The following CCDC141 variants were observed in gnomAD, a reference collection of about 807,000 sequenced individuals.
The protein encoded by CCDC141 is coiled-coil domain-containing protein 141.
CCDC141 carries 168 observed loss-of-function variants against 181.0 expected under a neutral mutation model. The ratio of observed to expected loss-of-function variants is 0.93; its 90% CI spans 0.82 to 1.05. The LOEUF (loss-of-function observed/expected upper bound fraction) is 1.05, where lower values mean the gene tolerates loss of function less well. Ranked by LOEUF, CCDC141 falls within the 50% of genes least tolerant of loss-of-function variation. The pLI is 0.00. For missense variants in CCDC141, 1,902 were observed against 1,788.5 expected (o/e 1.06, Z -1.14); for synonymous variants, 666 against 642.3 (o/e 1.04, Z -0.56).
intron 5 of CCDC141, among the ~76,000 whole-genome samples, chr2:178,947,699 G>C (rs1203381623): frequency 1.3e-5 from 2 of 152,138 alleles, no homozygotes. Context: ...AAACAATCAG[G>C]AATGTTCAAT....
intron 2 of CCDC141, among the ~76,000 whole-genome samples, chr2:179,015,075 TA>T (rs1484678753): frequency 6.6e-4 from 19 of 28,940 alleles, no homozygotes; most frequent in African/African-American, 2.2e-3. Context: ...GAGATATATA[TA>T]TATATATATA....
intron 2 of CCDC141, among the ~76,000 whole-genome samples, chr2:179,031,986 T>C (rs566444137): frequency 1.7e-4 from 26 of 152,210 alleles, no homozygotes; most frequent in African/African-American, 6.0e-4. Context: ...GTAGTTAAAC[T>C]TACTTTTAAA....
chr2:179,035,781 T>C (rs7598203), intron 2 of CCDC141, among the ~76,000 whole-genome samples: 127,694 of 152,144 alleles, frequency 0.84, 53,951 homozygotes, highest in East Asian at 0.94. Context: ...CTCTTGAGGC[T>C]GGGGCCCAGA....
chr2:178,865,506 G>A (rs1193609536), intron 17 of CCDC141, among the ~76,000 whole-genome samples: 2 of 152,188 alleles, frequency 1.3e-5, no homozygotes, highest in South Asian at 2.1e-4. Context: ...CAAAAAAACT[G>A]TACTACTGAA....
chr2:179,001,629 G>C (rs915786584), intron 2 of CCDC141: 1 of 152,224 alleles, frequency 6.6e-6, no homozygotes, highest in Non-Finnish European at 1.5e-5. Context: ...AGAGAACCTT[G>C]GGGGGCACAG....
intron 2 of CCDC141, among the ~76,000 whole-genome samples, chr2:179,028,197 A>T (rs1037521771): frequency 1.3e-5 from 2 of 152,154 alleles, no homozygotes; most frequent in Admixed American, 1.3e-4. Flanking sequence ...AGAACTGGTC[A>T]TCTGTCTGCT....
intron 12 of CCDC141, chr2:178,877,685 C>T: frequency 2.2e-6 from 1 of 454,576 alleles, no homozygotes; most frequent in South Asian, 3.7e-5. Flanking sequence ...TTTGGGTGGA[C>T]TTCTGAGGAC....
Position 178,853,630 on chromosome 2 carries a change from T to C in CCDC141, c.3061-6A>G, listed in dbSNP as rs1669065446. 2 of 1,610,384 alleles carry C rather than the reference T, an allele frequency of 1.2e-6. No homozygotes were observed. Among genetic ancestry groups the C allele is most frequent in the South Asian group, 1.1e-5 (1 of 90,834 alleles). On this transcript the variant is annotated splice_region_variant and splice_polypyrimidine_tract_variant and intron_variant, in intron 19 of 23. Coordinates refer to ENST00000443758, the MANE Select transcript of CCDC141 (RefSeq NM_173648.4). ...TCTTCGTACCAAAAATGACACTAAATTTAAATGGGATAAAGCACAGATGAA... is the reference window on the plus strand; with the variant it reads ...TCTTCGTACCAAAAATGACACTAAACTTAAATGGGATAAAGCACAGATGAA...
Position 178,886,804 on chromosome 2 carries a change from G to T in CCDC141, c.1475C>A (p.Ser492Tyr). The change falls in exon 10 of 24, where the codon TCT (serine) becomes TAT (tyrosine). Residue 492 changes from serine (S) to tyrosine (Y), a missense_variant. Coordinates refer to ENST00000443758, the MANE Select transcript of CCDC141 (RefSeq NM_173648.4). ...TTTATTCAAAATCTTCTCTGATTCAGAACGGGTAGAACCAACATCCATTGC... is the reference window on the plus strand; with the variant it reads ...TTTATTCAAAATCTTCTCTGATTCATAACGGGTAGAACCAACATCCATTGC... ...SNAMDVGSTR[S>Y]ESEKILNKYL... 6.8e-7 allele frequency: 1 copy of T among 1,474,528 alleles called. No homozygotes were observed. The highest frequency in any genetic ancestry group is 9.0e-7 in the Non-Finnish European group (1 of 1,110,840). 91.3% of individuals were successfully genotyped at this position (1,474,528 alleles called of 1,614,324 possible).
intron 17 of CCDC141, among the ~76,000 whole-genome samples, chr2:178,864,071 A>C (rs1468139755): frequency 6.6e-6 from 1 of 152,210 alleles, no homozygotes; most frequent in African/African-American, 2.4e-5. Flanking sequence ...ACAGGGAGCT[A>C]GAAACGGAGC....
intron 2 of CCDC141, among the ~76,000 whole-genome samples, chr2:178,984,976 T>C (rs952699781): frequency 6.0e-5 from 9 of 150,462 alleles, no homozygotes; most frequent in African/African-American, 2.2e-4. Flanking sequence ...CTAATAGACA[T>C]CTACAGAACT....
intron 2 of CCDC141, among the ~76,000 whole-genome samples, chr2:179,015,904 CATAT>C (rs922254308): frequency 7.8e-6 from 1 of 127,598 alleles, no homozygotes; most frequent in African/African-American, 2.9e-5. Flanking sequence ...ATATATGTAT[CATAT>C]ATATCTCATA....
chr2:178,834,107 G>A lies in CCDC141; in HGVS notation c.*66C>T. ...GGGAGATGCTTTGCAGGAGGTGCAG[G>A]AAGATAAACGGCGGCACTTTTCTTT... On this transcript the variant is annotated 3_prime_UTR_variant, in exon 24 of 24. Coordinates refer to ENST00000443758, the MANE Select transcript of CCDC141 (RefSeq NM_173648.4). 5 of 1,469,146 alleles carry A rather than the reference G, an allele frequency of 3.4e-6. No homozygotes were observed. Among genetic ancestry groups the A allele is most frequent in the Non-Finnish European group, 4.6e-6 (5 of 1,092,902 alleles). 91.0% of individuals were successfully genotyped at this position (1,469,146 alleles called of 1,614,324 possible).
intron 6 of CCDC141, among the ~76,000 whole-genome samples, chr2:178,935,612 T>C (rs1689254272): frequency 6.6e-6 from 1 of 152,152 alleles, no homozygotes; most frequent in African/African-American, 2.4e-5. Flanking sequence ...TATGGTAGAA[T>C]GATTTATATT....
At chr2:178,975,632 G>T (rs2154380448) in intron 3 of CCDC141, among the ~76,000 whole-genome samples, 1 of 152,172 alleles carries the variant, frequency 6.6e-6, no homozygotes, top group Admixed American at 6.5e-5. Context: ...TTAGAGAGAA[G>T]GTAGAAGTAT....
intron 5 of CCDC141, among the ~76,000 whole-genome samples, chr2:178,959,547 G>T (rs1305884420): frequency 6.6e-6 from 1 of 152,138 alleles, no homozygotes; most frequent in Non-Finnish European, 1.5e-5. Flanking sequence ...TTTCCTTCTT[G>T]TTATGCCAGA....
chr2:178,852,015 C>T (rs6433739), intron 20 of CCDC141, among the ~76,000 whole-genome samples: 152,203 of 152,358 alleles, frequency 1, 76,024 homozygotes, highest in Non-Finnish European at 1. Context: ...CATTCATTTA[C>T]TCATTCAGTG....
chr2:179,007,805 A>G (rs181653472), intron 2 of CCDC141, among the ~76,000 whole-genome samples: 5 of 152,350 alleles, frequency 3.3e-5, no homozygotes, highest in Admixed American at 3.3e-4. Flanking sequence ...ACATGCCGTG[A>G]CTGTCAAGTT....
chr2:178,985,362 C>G (rs1201160660), intron 2 of CCDC141, among the ~76,000 whole-genome samples: 1 of 145,894 alleles, frequency 6.9e-6, no homozygotes, highest in African/African-American at 2.5e-5. Flanking sequence ...CAAGAGAAAG[C>G]AGGAAAGATC....
Sources: allele counts gnomAD v4.1 joint callset (sites outside exome capture counted in the v4.1 genomes callset), GRCh38; gene constraint gnomAD v4.1.1; transcripts MANE v1.5; gene names NCBI Gene and HGNC (gene_info 2026-07-23, HGNC 2026-07-21).